CNTN5: variants seen among roughly 807,000 people sequenced by gnomAD.
CNTN5 encodes contactin 5, also known as contactin-5.
A neutral mutation model predicts 129.1 loss-of-function variants in CNTN5; 77 were observed. The ratio of observed to expected loss-of-function variants is 0.60; its 90% CI spans 0.50 to 0.72. The LOEUF is 0.72. Ranked by LOEUF, CNTN5 falls within the 30% of genes least tolerant of loss-of-function variation. The pLI is 0.00. For missense variants in CNTN5, 1,478 were observed against 1,328.8 expected (o/e 1.11, Z -1.75); for synonymous variants, 509 against 465.6 (o/e 1.09, Z -1.20).
chr11:99,298,901 C>A (rs537798050), intron 1 of CNTN5, among the ~76,000 whole-genome samples: 29 of 152,184 alleles, frequency 1.9e-4, no homozygotes, highest in African/African-American at 7.0e-4. Context: ...TGCAATAAAA[C>A]TCTCCTCCAC....
chr11:99,926,324 C>A (rs1023029325), intron 7 of CNTN5, among the ~76,000 whole-genome samples: 12 of 151,930 alleles, frequency 7.9e-5, no homozygotes, highest in African/African-American at 2.9e-4. Flanking sequence ...GGGAAGGGAT[C>A]AAGAAAAGGA....
chr11:99,457,358 A>C (rs1944534528), intron 2 of CNTN5, among the ~76,000 whole-genome samples: 1 of 151,882 alleles, frequency 6.6e-6, no homozygotes, highest in Non-Finnish European at 1.5e-5. Flanking sequence ...ATTATGCATG[A>C]ATAATACAAG....
chr11:99,033,549 T>C (rs974764797), intron 1 of CNTN5, among the ~76,000 whole-genome samples: 6 of 152,170 alleles, frequency 3.9e-5, no homozygotes, highest in Non-Finnish European at 7.3e-5. Context: ...GGGAGTTCAC[T>C]CATGAATTGG....
At position 99,469,117 on chromosome 11, in the gene CNTN5, T is replaced by C. The variant is rs1408239195; in HGVS notation, c.-70-87028T>C. Among the ~76,000 whole-genome samples the C allele has an allele frequency of 9.2e-5, 14 of 152,128 alleles. No homozygotes were observed. The South Asian group carries it at 2.9e-3, about 31-fold the overall frequency. On this transcript the variant is annotated intron_variant, in intron 2 of 24. Coordinates refer to ENST00000524871, the MANE Select transcript of CNTN5 (RefSeq NM_014361.4). ...TAAAAGAAAAGAGCTGTAAGTTAAA[T>C]GTAGTATTTGTTTTAAATTCCCATA...
chr11:100,002,224 C>A, intron 9 of CNTN5, 88 bp downstream of exon 9: 1 of 832,454 alleles, frequency 1.2e-6, no homozygotes, highest in South Asian at 2.2e-5. Context: ...TGCTAGGTGT[C>A]ATTTCCCCAG....
At chr11:100,068,654 A>C (rs934356638) in intron 10 of CNTN5, among the ~76,000 whole-genome samples, 9 of 152,302 alleles carry the variant, frequency 5.9e-5, no homozygotes, top group African/African-American at 2.2e-4. Context: ...AACTACAAAG[A>C]GATGATTTCC....
intron 15 of CNTN5, among the ~76,000 whole-genome samples, chr11:100,209,677 TACC>T (rs1322311472): frequency 6.6e-6 from 1 of 152,244 alleles, no homozygotes; most frequent in Non-Finnish European, 1.5e-5. Context: ...TAAATGTTTC[TACC>T]ACATGTTAGT....
chr11:99,891,808 T>C (rs1949067448), intron 6 of CNTN5, among the ~76,000 whole-genome samples: 3 of 152,182 alleles, frequency 2.0e-5, no homozygotes, highest in South Asian at 4.1e-4. Context: ...CATATGTCTT[T>C]TTAGTACAAT....
rs112871339 is a variant in CNTN5, at chr11:100,163,872, G to T, written c.1581-27254G>T. On this transcript the variant is annotated intron_variant, in intron 13 of 24. Coordinates refer to ENST00000524871, the MANE Select transcript of CNTN5 (RefSeq NM_014361.4). ...CCTATGTACCAGACACTTTAAAAAGGACTTCATATGTTTTATATCATTTAG... is the reference window on the plus strand; with the variant it reads ...CCTATGTACCAGACACTTTAAAAAGTACTTCATATGTTTTATATCATTTAG... Among the ~76,000 whole-genome samples, 1,495 of 151,832 alleles carry T rather than the reference G, an allele frequency of 9.8e-3. 21 individuals are homozygous for T. The highest frequency in any genetic ancestry group is 0.031 in the African/African-American group (1,288 of 41,466).
chr11:100,209,172 A>G (rs1456025602), intron 15 of CNTN5, among the ~76,000 whole-genome samples: 1 of 152,200 alleles, frequency 6.6e-6, no homozygotes, highest in Non-Finnish European at 1.5e-5. Flanking sequence ...GTAGCAATCT[A>G]CCACACAACC....
At chr11:100,174,793 T>C (rs1319799473) in intron 13 of CNTN5, among the ~76,000 whole-genome samples, 1 of 152,122 alleles carries the variant, frequency 6.6e-6, no homozygotes, top group Non-Finnish European at 1.5e-5. Context: ...TGCAGTTTCT[T>C]CATGATTCTT....
intron 2 of CNTN5, among the ~76,000 whole-genome samples, chr11:99,349,767 T>C (rs1011374166): frequency 3.9e-5 from 6 of 152,120 alleles, no homozygotes; most frequent in African/African-American, 1.4e-4. Flanking sequence ...GCATGTAACA[T>C]AGATGAGTGG....
At chr11:99,798,161 C>T (rs533181971) in intron 3 of CNTN5, among the ~76,000 whole-genome samples, 1 of 152,054 alleles carries the variant, frequency 6.6e-6, no homozygotes, top group East Asian at 1.9e-4. Flanking sequence ...TCAATGTGTC[C>T]ATGTGTTCTC....
intron 1 of CNTN5, among the ~76,000 whole-genome samples, chr11:99,031,044 G>T (rs1426597032): frequency 6.6e-6 from 1 of 151,866 alleles, no homozygotes; most frequent in Admixed American, 6.6e-5. Flanking sequence ...TGATCCGCCC[G>T]TCTCGGCCTC....
intron 6 of CNTN5, among the ~76,000 whole-genome samples, chr11:99,870,782 A>G (rs980314155): frequency 4.0e-5 from 6 of 149,766 alleles, no homozygotes; most frequent in African/African-American, 1.2e-4. Context: ...AAGGATGAAA[A>G]CAGAAGTGAG....
chr11:99,710,754 T>A (rs533247293), intron 3 of CNTN5, among the ~76,000 whole-genome samples: 1 of 151,974 alleles, frequency 6.6e-6, no homozygotes, highest in African/African-American at 2.4e-5. Context: ...TGAGATATTC[T>A]GCACATTTGA....
At chr11:100,158,187 A>G (rs1246855405) in intron 13 of CNTN5, among the ~76,000 whole-genome samples, 1 of 151,850 alleles carries the variant, frequency 6.6e-6, no homozygotes, top group African/African-American at 2.4e-5. Context: ...TGATCTATCT[A>G]GATTTACAGT....
At chr11:100,077,029 G>C (rs771882302) in intron 13 of CNTN5, among the ~76,000 whole-genome samples, 11 of 152,042 alleles carry the variant, frequency 7.2e-5, no homozygotes, top group Non-Finnish European at 1.3e-4. Flanking sequence ...CTAAAATTAT[G>C]ACTAGAAACT....
intron 2 of CNTN5, among the ~76,000 whole-genome samples, chr11:99,532,127 G>T (rs1218853579): frequency 6.6e-6 from 1 of 152,040 alleles, no homozygotes; most frequent in Non-Finnish European, 1.5e-5. Flanking sequence ...ACCCTGCAAA[G>T]CCACAGGGGC....
Sources: allele counts gnomAD v4.1 joint callset (sites outside exome capture counted in the v4.1 genomes callset), GRCh38; gene constraint gnomAD v4.1.1; transcripts MANE v1.5; gene names NCBI Gene and HGNC (gene_info 2026-07-23, HGNC 2026-07-21).